JAKMIP3: variants seen among roughly 807,000 people sequenced by gnomAD.
JAKMIP3 encodes the protein janus kinase and microtubule-interacting protein 3.
JAKMIP3 carries 58 observed loss-of-function variants against 118.5 expected under a neutral mutation model. That is an observed-to-expected ratio of 0.49 (90% confidence interval 0.40 to 0.61). The LOEUF (loss-of-function observed/expected upper bound fraction) is 0.61. Ranked by LOEUF, JAKMIP3 falls within the 20% of genes least tolerant of loss-of-function variation. The pLI is 0.00. For synonymous variants in JAKMIP3, 486 were observed against 451.2 expected, an observed-to-expected ratio of 1.08 and a Z score of -0.98; for missense variants, 950 against 1,109.0, an observed-to-expected ratio of 0.86 and a Z score of 2.04.
Position 132,079,438 on chromosome 10 carries a change from A to C in JAKMIP3, c.-138+13377A>C, listed in dbSNP as rs147505080. Among the ~76,000 whole-genome samples the C allele has an allele frequency of 4.8e-3, 733 of 152,170 alleles. 11 individuals are homozygous for C. Among genetic ancestry groups the C allele is most frequent in the African/African-American group, 0.017 (692 of 41,512 alleles). ...ATGCATTTTCGTTTTTGTTGTTTTGAGGATTGAAAGTTGTTTATTTACACA... is the reference window on the plus strand; with the variant it reads ...ATGCATTTTCGTTTTTGTTGTTTTGCGGATTGAAAGTTGTTTATTTACACA... On this transcript the variant is annotated intron_variant, in intron 1 of 23. Coordinates refer to ENST00000684848, the MANE Select transcript of JAKMIP3 (RefSeq NM_001323087.2).
At chr10:132,109,067 CACACAT>C (rs1189149465) in intron 2 of JAKMIP3, among the ~76,000 whole-genome samples, 3 of 1,358 alleles carry the variant, frequency 2.2e-3, no homozygotes, top group African/African-American at 3.0e-3. Context: ...TGCACATATA[CACACAT>C]ACACATATAT....
At chr10:132,090,081 C>G (rs1011097930) in intron 1 of JAKMIP3, among the ~76,000 whole-genome samples, 24 of 152,114 alleles carry the variant, frequency 1.6e-4, no homozygotes, top group African/African-American at 5.8e-4. Context: ...GGTGGATAAG[C>G]TTTTTGATGT....
At chr10:132,134,103 C>T (rs932065186) in intron 4 of JAKMIP3, among the ~76,000 whole-genome samples, 4 of 152,212 alleles carry the variant, frequency 2.6e-5, no homozygotes, top group African/African-American at 9.6e-5. Context: ...GAGCTCCACC[C>T]GCTTCCTTGC....
intron 1 of JAKMIP3, among the ~76,000 whole-genome samples, chr10:132,097,995 C>A (rs71512277): frequency 2.1e-5 from 1 of 47,138 alleles, no homozygotes. Flanking sequence ...CCTTCCCCTT[C>A]CCCTTCCCCT....
At chr10:132,115,463 A>G (rs2047500511) in intron 2 of JAKMIP3, among the ~76,000 whole-genome samples, 1 of 152,212 alleles carries the variant, frequency 6.6e-6, no homozygotes, top group African/African-American at 2.4e-5. Context: ...TAGGCGCCAC[A>G]GCCCTGATCT....
chr10:132,046,088 A>T (rs1179154782), intron 1 of JAKMIP3, among the ~76,000 whole-genome samples: 1 of 152,152 alleles, frequency 6.6e-6, no homozygotes, highest in Non-Finnish European at 1.5e-5. Context: ...TCAGCCTAGA[A>T]GGTTCCTGAC....
intron 1 of JAKMIP3, among the ~76,000 whole-genome samples, chr10:132,099,558 G>A (rs540900107): frequency 1.1e-4 from 16 of 152,292 alleles, no homozygotes; most frequent in African/African-American, 3.1e-4. Flanking sequence ...CTCTGTCTAC[G>A]GGGGTTTGGG....
chr10:132,121,334 C>T (rs910131271), intron 3 of JAKMIP3, among the ~76,000 whole-genome samples: 1 of 152,160 alleles, frequency 6.6e-6, no homozygotes, highest in Non-Finnish European at 1.5e-5. Flanking sequence ...ACGGAGGCCT[C>T]GGGTTCTCCC....
At chr10:132,058,380 C>T (rs1009641874) in intron 1 of JAKMIP3, among the ~76,000 whole-genome samples, 1 of 152,176 alleles carries the variant, frequency 6.6e-6, no homozygotes, top group African/African-American at 2.4e-5. Flanking sequence ...GTATCCAGGC[C>T]CCAGGGGCGC....
At chr10:132,180,538 T>C (rs866359677) in intron 23 of JAKMIP3, among the ~76,000 whole-genome samples, 353 of 27,190 alleles carry the variant, frequency 0.013, 38 homozygotes, top group South Asian at 0.021. Context: ...TGTGTGTGTG[T>C]GTGTGTGCGT....
At chr10:132,163,546 CAT>C (rs1293877333) in intron 20 of JAKMIP3, 134 bp downstream of exon 20, 14 of 732,560 alleles carry the variant, frequency 1.9e-5, no homozygotes, top group Non-Finnish European at 3.1e-5. Flanking sequence ...CCACACCCCT[CAT>C]AACACACACT....
rs567313158 is a variant in JAKMIP3 at position 132,054,471 on chromosome 10, A to G, written c.-138+17733A>G. Among the ~76,000 whole-genome samples, 6 of 152,290 alleles carry G rather than the reference A, an allele frequency of 3.9e-5. No individual in the cohort carries two copies. The South Asian group carries it at 1.2e-3, about 32-fold the overall frequency. Reference sequence around the variant, plus strand: ...GCAGGCCAACATGGGAGGCTCTGCCAGAGGTTAGGGGCTAGCTTGGCAGAT... The same window carrying G: ...GCAGGCCAACATGGGAGGCTCTGCCGGAGGTTAGGGGCTAGCTTGGCAGAT... On this transcript the variant is annotated intron_variant, in intron 1 of 23. Transcript: ENST00000657785.
intron 1 of JAKMIP3, among the ~76,000 whole-genome samples, chr10:132,075,369 A>AT (rs35437245): frequency 0.13 from 16,491 of 128,782 alleles, 1,213 homozygotes; most frequent in East Asian, 0.32. Flanking sequence ...AAATTTTTCC[A>AT]TTTTTTTTTT....
rs1376908455 is a variant in JAKMIP3, at chr10:132,073,493, C to CTA, written c.-138+7433_-138+7434insAT. Among the ~76,000 whole-genome samples, 126 of 134,864 alleles carry CTA rather than the reference C, an allele frequency of 9.3e-4. 1 individual carries two copies. The highest frequency in any genetic ancestry group is 3.1e-3 in the African/African-American group (110 of 36,036). The allele number at this position is 134,864 out of a possible 152,430, so 88.5% of individuals were successfully genotyped here. Reference sequence around the variant, plus strand: ...AGCCACTGCGCCCGGCCTATCTTTACTTTTTTTTTTTTTTTTTTTTTGAGA... The same window carrying CTA: ...AGCCACTGCGCCCGGCCTATCTTTACTATTTTTTTTTTTTTTTTTTTTTGAGA... On this transcript the variant is annotated intron_variant, in intron 1 of 23. Transcript: ENST00000684848.
chr10:132,079,324 C>T (rs2041407920), intron 1 of JAKMIP3, among the ~76,000 whole-genome samples: 1 of 152,244 alleles, frequency 6.6e-6, no homozygotes, highest in Admixed American at 6.5e-5. Context: ...GGCTGGGGCT[C>T]ATTCCAGGCT....
chr10:132,073,578 C>T (rs2134037548), intron 1 of JAKMIP3, among the ~76,000 whole-genome samples: 1 of 151,594 alleles, frequency 6.6e-6, no homozygotes, highest in African/African-American at 2.4e-5. Flanking sequence ...CTCACTTCAG[C>T]CTTGACCTCC....
At chr10:132,107,912 A>C (rs867233820) in intron 2 of JAKMIP3, among the ~76,000 whole-genome samples, 1 of 152,196 alleles carries the variant, frequency 6.6e-6, no homozygotes, top group South Asian at 2.1e-4. Flanking sequence ...CTATGTTTGC[A>C]GTTTGACGGT....
chr10:132,119,682 C>T (rs931149748), intron 3 of JAKMIP3, among the ~76,000 whole-genome samples: 1 of 152,140 alleles, frequency 6.6e-6, no homozygotes, highest in Admixed American at 6.5e-5. Context: ...CTCTTCTTGG[C>T]CCTCTAGAAT....
At chr10:132,097,446 C>T (rs1322478757) in intron 1 of JAKMIP3, among the ~76,000 whole-genome samples, 3 of 150,938 alleles carry the variant, frequency 2.0e-5, no homozygotes, top group East Asian at 3.9e-4. Context: ...CACGGACTCT[C>T]GGGAGGTCGC....
Sources: gnomAD v4.1 joint callset for allele counts (sites outside exome capture counted in the v4.1 genomes callset) on GRCh38, gnomAD v4.1.1 for gene constraint, MANE v1.5 for transcripts, NCBI Gene and HGNC (gene_info 2026-07-23, HGNC 2026-07-21) for gene names.